The following ATXN1 variants were observed in gnomAD, a reference collection of about 807,000 sequenced individuals.
ATXN1 encodes ataxin 1, also known as ataxin-1.
In ATXN1, 8 loss-of-function variants were observed where a neutral mutation model predicts 56.4. That is an observed-to-expected ratio of 0.14 (90% CI 0.08 to 0.26). The LOEUF (loss-of-function observed/expected upper bound fraction) is 0.26. ATXN1 is among the 10% of genes least tolerant of loss of function. The pLI, the probability that ATXN1 is intolerant of heterozygous loss-of-function variation, is 1.00. For synonymous variants in ATXN1, 514 were observed against 494.6 expected, an observed-to-expected ratio of 1.04 and a Z score of -0.52; for missense variants, 987 against 1,106.5, an observed-to-expected ratio of 0.89 and a Z score of 1.53.
chr6:16,308,747 G>T (rs189909554), intron 7 of ATXN1, among the ~76,000 whole-genome samples: 2 of 152,266 alleles, frequency 1.3e-5, no homozygotes, highest in African/African-American at 4.8e-5. Context: ...AAAAAGGGGG[G>T]TGGTGGTCAT....
intron 3 of ATXN1, among the ~76,000 whole-genome samples, chr6:16,586,533 AC>A (rs985183431): frequency 4.6e-5 from 7 of 152,094 alleles, no homozygotes; most frequent in African/African-American, 1.7e-4. Flanking sequence ...GCCCCACTCC[AC>A]TGCAGTCTGT....
intron 6 of ATXN1, among the ~76,000 whole-genome samples, chr6:16,483,409 G>T (rs1341049590): frequency 6.6e-6 from 1 of 152,114 alleles, no homozygotes; most frequent in African/African-American, 2.4e-5. Context: ...AGTTCTCCAT[G>T]GCACAGGCTT....
chr6:16,308,324 A>T (rs59541156), intron 7 of ATXN1, among the ~76,000 whole-genome samples: 1,271 of 13,622 alleles, frequency 0.093, 14 homozygotes, highest in African/African-American at 0.26. Flanking sequence ...AAACTCCGTC[A>T]CACACACACA....
chr6:16,590,985 G>A (rs944579328), intron 3 of ATXN1, among the ~76,000 whole-genome samples: 1 of 151,964 alleles, frequency 6.6e-6, no homozygotes, highest in African/African-American at 2.4e-5. Flanking sequence ...TGGGATTACA[G>A]GCATGCACCA....
intron 3 of ATXN1, among the ~76,000 whole-genome samples, chr6:16,644,613 A>G (rs1763770264): frequency 6.6e-6 from 1 of 151,518 alleles, no homozygotes; most frequent in Non-Finnish European, 1.5e-5. Flanking sequence ...ATATTTATAT[A>G]TATTTTAAAA....
chr6:16,610,078 C>A (rs757597057), intron 3 of ATXN1, among the ~76,000 whole-genome samples: 1 of 151,532 alleles, frequency 6.6e-6, no homozygotes, highest in Non-Finnish European at 1.5e-5. Flanking sequence ...CCAAAAGGCA[C>A]TGGAAAAAAG....
chr6:16,508,655 C>CTTGTG (rs2113681609), intron 5 of ATXN1, among the ~76,000 whole-genome samples: 1 of 152,198 alleles, frequency 6.6e-6, no homozygotes, highest in South Asian at 2.1e-4. Context: ...AAACTGGAAC[C>CTTGTG]CTTGTGCACT....
rs1216746639 is a variant in ATXN1 at position 16,506,949 on chromosome 6, T to C, written c.-299+15678A>G. Among the ~76,000 whole-genome samples the C allele has an allele frequency of 6.6e-6, 1 of 152,168 alleles. No homozygotes were observed. Among genetic ancestry groups the C allele is most frequent in the Non-Finnish European group, 1.5e-5 (1 of 68,024 alleles). On this transcript the variant is annotated intron_variant, in intron 5 of 7. Coordinates refer to ENST00000436367, the MANE Select transcript of ATXN1 (RefSeq NM_001128164.2). This position sits in a 1 kb window ranked among gnomAD's most constrained non-coding sequence, Gnocchi z 4.1. The stretch of plus-strand genomic sequence containing the variant: ...ACAGCTGGATGGATGAATGGACAGA[T>C]GGATGGATGGACAGACAAATGGCCG...
intron 3 of ATXN1, among the ~76,000 whole-genome samples, chr6:16,609,040 C>T (rs1401350915): frequency 1.3e-5 from 2 of 152,128 alleles, no homozygotes; most frequent in Non-Finnish European, 2.9e-5. Context: ...GCATTTTTAA[C>T]ATTAAGACAT....
intron 6 of ATXN1, among the ~76,000 whole-genome samples, chr6:16,464,197 A>T (rs1327769089): frequency 1.3e-5 from 2 of 152,202 alleles, no homozygotes; most frequent in Non-Finnish European, 2.9e-5. Flanking sequence ...ACCAATCAGG[A>T]ACTTTCCTGT....
chr6:16,690,171 G>C (rs1358762956), intron 2 of ATXN1, among the ~76,000 whole-genome samples: 6 of 152,092 alleles, frequency 3.9e-5, no homozygotes, highest in African/African-American at 7.2e-5. Context: ...GTGACCCTTT[G>C]GCTGGGACTG....
chr6:16,550,155 CAAAAAAAAA>C (rs70999336), intron 4 of ATXN1, among the ~76,000 whole-genome samples: 29 of 91,174 alleles, frequency 3.2e-4, no homozygotes, highest in African/African-American at 1.0e-3. Context: ...AAATAAAATA[CAAAAAAAAA>C]AAAAAAAAAA....
At chr6:16,634,531 T>G (rs1200958180) in intron 3 of ATXN1, among the ~76,000 whole-genome samples, 1 of 152,238 alleles carries the variant, frequency 6.6e-6, no homozygotes, top group Non-Finnish European at 1.5e-5. Context: ...AATTTTAGAT[T>G]TTCTTCTCCA....
intron 3 of ATXN1, among the ~76,000 whole-genome samples, chr6:16,621,062 C>T (rs1023685348): frequency 6.6e-6 from 1 of 152,216 alleles, no homozygotes; most frequent in African/African-American, 2.4e-5. Context: ...CATTTGCTTT[C>T]CCTGTTCATG....
intron 6 of ATXN1, among the ~76,000 whole-genome samples, chr6:16,432,097 A>G (rs1759296570): frequency 6.6e-6 from 1 of 152,244 alleles, no homozygotes; most frequent in Admixed American, 6.5e-5. Flanking sequence ...TACTTTGGCA[A>G]CATTAAATAT....
At chr6:16,722,961 C>T (rs1052633373) in intron 2 of ATXN1, among the ~76,000 whole-genome samples, 1 of 152,210 alleles carries the variant, frequency 6.6e-6, no homozygotes, top group African/African-American at 2.4e-5. Context: ...GAAGTATTTT[C>T]TACCAAAGAA....
chr6:16,722,097 C>T (rs1206098008), intron 2 of ATXN1, among the ~76,000 whole-genome samples: 2 of 152,214 alleles, frequency 1.3e-5, no homozygotes, highest in Non-Finnish European at 2.9e-5. Flanking sequence ...CACAATTAGG[C>T]ACCAACTCAA....
chr6:16,372,602 A>T (rs1356549584), intron 6 of ATXN1, among the ~76,000 whole-genome samples: 1 of 152,168 alleles, frequency 6.6e-6, no homozygotes, highest in African/African-American at 2.4e-5. Context: ...AGTAGTATTT[A>T]TAGCTCAGAC....
chr6:16,589,114 T>G (rs1762678554), intron 3 of ATXN1, among the ~76,000 whole-genome samples: 1 of 152,068 alleles, frequency 6.6e-6, no homozygotes. Context: ...AGTCTTCAAG[T>G]CTCAGGGCTG....
Sources: gnomAD v4.1 joint callset for allele counts (sites outside exome capture counted in the v4.1 genomes callset) on GRCh38, gnomAD v4.1.1 for gene constraint, Gnocchi (gnomAD v3.1) non-coding constraint, MANE v1.5 for transcripts, NCBI Gene and HGNC (gene_info 2026-07-23, HGNC 2026-07-21) for gene names.